SLC36A2: variants seen among roughly 807,000 people sequenced by gnomAD.
SLC36A2 encodes the protein solute carrier family 36 member 2.
SLC36A2 carries 39 observed loss-of-function variants against 42.7 expected under a neutral mutation model. The ratio of observed to expected loss-of-function variants is 0.91; its 90% CI spans 0.71 to 1.19. The LOEUF is 1.19. Ranked by LOEUF, SLC36A2 falls within the 50% of genes most tolerant of loss-of-function variation. The pLI, the probability that SLC36A2 is intolerant of heterozygous loss-of-function variation, is 0.00. For synonymous variants in SLC36A2, 237 were observed against 240.8 expected, an observed-to-expected ratio of 0.98 and a Z score of 0.15; for missense variants, 590 against 613.7, an observed-to-expected ratio of 0.96 and a Z score of 0.41.
intron 8 of SLC36A2, among the ~76,000 whole-genome samples, chr5:151,322,700 T>C (rs1462884393): frequency 2.0e-5 from 3 of 152,168 alleles, no homozygotes; most frequent in African/African-American, 7.2e-5. Flanking sequence ...TTGAGAGAAC[T>C]GCAGAATCCC....
intron 9 of SLC36A2, 120 bp from the exon 10 acceptor site, chr5:151,317,208 T>A: frequency 7.6e-7 from 1 of 1,316,248 alleles, no homozygotes; most frequent in Non-Finnish European, 1.1e-6. Context: ...TCCCAGCACT[T>A]TGGGAGGCCT....
chr5:151,339,037 C>G (rs1275359835), intron 5 of SLC36A2, 23 bp downstream of exon 5: 1 of 1,573,210 alleles, frequency 6.4e-7, no homozygotes, highest in African/African-American at 1.4e-5. Context: ...TTTTCCCCTC[C>G]CGTTTTCTCT....
At position 151,347,396 on chromosome 5, in the gene SLC36A2, G is replaced by T. The variant is rs539289088; in HGVS notation, c.65C>A (p.Ser22Ter). Residue 22 changes from serine (S) to a stop codon, truncating the protein, a stop_gained, in exon 1 of 10, where the codon TCG (serine) becomes TAG (stop). Coordinates refer to ENST00000335244, the MANE Select transcript of SLC36A2 (RefSeq NM_181776.3). LOFTEE classifies it high-confidence loss of function. ...GAVAIKLDLM[S>*]PPESAKKLEN... ...CAACTTCTTGGCACTTTCAGGAGGC[G>T]ACATAAGGTCCAATTTGATGGCAAC... 63 of 1,614,192 alleles carry T rather than the reference G, an allele frequency of 3.9e-5. No individual in the cohort carries two copies. In the East Asian group the frequency reaches 1.3e-3, roughly 34 times the overall value.
intron 7 of SLC36A2, among the ~76,000 whole-genome samples, chr5:151,326,953 T>C (rs1755869830): frequency 6.6e-6 from 1 of 152,010 alleles, no homozygotes. Context: ...GCTGGGACTA[T>C]AGGCATGTGC....
At position 151,316,731 on chromosome 5, in the gene SLC36A2, A is replaced by T; in HGVS notation, c.*86T>A. ...CTCCAGTCTGGGCAACAAGACAGAA[A>T]CTCCGTCTCAAAAAAAAAAAAAAAA... On this transcript the variant is annotated 3_prime_UTR_variant, in exon 10 of 10. Transcript: ENST00000335244. 2 of 1,390,110 alleles carry T rather than the reference A, an allele frequency of 1.4e-6. No homozygotes were observed. The highest frequency in any genetic ancestry group is 1.9e-6 in the Non-Finnish European group (2 of 1,051,234). The allele number at this position is 1,390,110 out of a possible 1,614,324, so 86.1% of individuals were successfully genotyped here.
At chr5:151,332,488 C>A (rs764697098) in intron 7 of SLC36A2, 1 of 454,906 alleles carries the variant, frequency 2.2e-6, no homozygotes, top group South Asian at 1.6e-5. Flanking sequence ...TTGACAGGTG[C>A]GTTGATAAGC....
intron 9 of SLC36A2, chr5:151,319,766 C>G (rs382178): frequency 0.58 from 88,873 of 152,840 alleles, 26,378 homozygotes; most frequent in East Asian, 0.85. Flanking sequence ...TCCATGAAAA[C>G]TGCTGCATAA....
At chr5:151,328,713 A>G (rs1349472179) in intron 7 of SLC36A2, among the ~76,000 whole-genome samples, 1 of 152,194 alleles carries the variant, frequency 6.6e-6, no homozygotes, top group Non-Finnish European at 1.5e-5. Context: ...AGAGTGTGGG[A>G]AATCAGTACT....
intron 1 of SLC36A2, 40 bp from the exon 2 acceptor site, chr5:151,344,307 A>C (rs1756433392): frequency 1.9e-6 from 3 of 1,540,640 alleles, no homozygotes; most frequent in Admixed American, 1.7e-5. Context: ...GGGTGTGTGG[A>C]GGTGAGAAGA....
intron 4 of SLC36A2, among the ~76,000 whole-genome samples, chr5:151,339,907 C>A (rs1293719365): frequency 6.6e-6 from 1 of 152,098 alleles, no homozygotes; most frequent in Non-Finnish European, 1.5e-5. Context: ...GACAAAAATT[C>A]TTAGATATAG....
intron 9 of SLC36A2, chr5:151,321,838 T>C: frequency 1.8e-6 from 1 of 548,544 alleles, no homozygotes; most frequent in Non-Finnish European, 3.3e-6. Flanking sequence ...CCACCACGCC[T>C]GGTTAATTGT....
At chr5:151,344,391 C>G in intron 1 of SLC36A2, 124 bp from the exon 2 acceptor site, 2 of 816,672 alleles carry the variant, frequency 2.4e-6, no homozygotes, top group East Asian at 5.4e-5. Flanking sequence ...TCCATGAGTC[C>G]TTGCCTGGCA....
chr5:151,321,146 T>TTG (rs1384311298), intron 9 of SLC36A2, among the ~76,000 whole-genome samples: 13 of 26,574 alleles, frequency 4.9e-4, no homozygotes, highest in African/African-American at 2.2e-3. Flanking sequence ...TCTTATGATT[T>TTG]ATTTATTTAT....
At chr5:151,323,152 T>C (rs1755744550) in intron 8 of SLC36A2, among the ~76,000 whole-genome samples, 3 of 152,110 alleles carry the variant, frequency 2.0e-5, no homozygotes, top group Non-Finnish European at 4.4e-5. Flanking sequence ...GGAGAATTAC[T>C]TGAACCCGGG....
At chr5:151,317,614 C>T (rs1755541592) in intron 9 of SLC36A2, among the ~76,000 whole-genome samples, 1 of 151,702 alleles carries the variant, frequency 6.6e-6, no homozygotes, top group Admixed American at 6.6e-5. Context: ...ATTTCTGTAG[C>T]CCCAGCTATT....
Position 151,333,271 on chromosome 5 carries a change from G to A in SLC36A2, c.796C>T (p.Pro266Ser). ...AAAATGGCTGTTCCGAAGAAGAGAGGGTAGGTCTTCCAGCTTGCTACCAGT... is the reference window on the plus strand; with the variant it reads ...AAAATGGCTGTTCCGAAGAAGAGAGAGTAGGTCTTCCAGCTTGCTACCAGT... ...LPLVASWKTY[P>S]LFFGTAIFSF... is the part of the protein sequence containing the mutation. Residue 266 changes from proline to serine, a missense_variant, in exon 7 of 10, where the codon CCT becomes TCT. By Grantham distance (74) the Pro-to-Ser change is moderately conservative. Transcript: ENST00000335244. 3 of 1,614,050 alleles carry A rather than the reference G, an allele frequency of 1.9e-6. No homozygotes were observed. The highest frequency in any genetic ancestry group is 2.5e-6 in the Non-Finnish European group (3 of 1,179,986).
chr5:151,337,190 C>T (rs1756183443), intron 5 of SLC36A2, among the ~76,000 whole-genome samples: 1 of 152,190 alleles, frequency 6.6e-6, no homozygotes, highest in Non-Finnish European at 1.5e-5. Flanking sequence ...CCTACTCTTC[C>T]TCCTTGAACC....
chr5:151,324,508 T>C (rs182802558), intron 8 of SLC36A2, among the ~76,000 whole-genome samples: 1 of 152,200 alleles, frequency 6.6e-6, no homozygotes, highest in East Asian at 1.9e-4. Context: ...AATTTTGTAT[T>C]ATTAGTAGAG....
At chr5:151,334,215 T>C (rs888018227) in intron 6 of SLC36A2, among the ~76,000 whole-genome samples, 21 of 152,228 alleles carry the variant, frequency 1.4e-4, no homozygotes, top group African/African-American at 5.1e-4. Flanking sequence ...CAGTGTCTTC[T>C]AAGGTATGTG....
Sources: gnomAD v4.1 joint callset for allele counts (sites outside exome capture counted in the v4.1 genomes callset) on GRCh38, gnomAD v4.1.1 for gene constraint, MANE v1.5 for transcripts, NCBI Gene and HGNC (gene_info 2026-07-23, HGNC 2026-07-21) for gene names.